PBRM1: variants seen among roughly 807,000 people sequenced by gnomAD.
The protein encoded by PBRM1 is protein polybromo-1.
In PBRM1, 27 loss-of-function variants were observed where a neutral mutation model predicts 194.5. The ratio of observed to expected loss-of-function variants is 0.14; its 90% CI spans 0.10 to 0.19. The LOEUF is 0.19. PBRM1 is among the 10% of genes least tolerant of loss of function. The pLI is 1.00. For synonymous variants in PBRM1, 655 were observed against 693.2 expected (o/e 0.94, Z 0.87); for missense variants, 1,466 against 2,077.2 (o/e 0.71, Z 5.72).
rs748488238 is a variant in PBRM1, at chr3:52,609,282, C to T, written c.2567+31G>A. On this transcript the variant is annotated intron_variant, in intron 16 of 29. Transcript: ENST00000296302. The surrounding 1 kb of genome is among the most constrained non-coding windows in gnomAD (Gnocchi z 4.1). ...CTGTTTTGTATTAAATAGCACATAT[C>T]CTCAAAATAAAAATGGCTTTGAAAA... 6.5e-7 allele frequency: 1 copy of T among 1,548,278 alleles called. No homozygotes were observed. The highest frequency in any genetic ancestry group is 1.2e-5 in the South Asian group (1 of 86,238).
upstream of PBRM1, among the ~76,000 whole-genome samples, chr3:52,682,596 A>G (rs1294923471): frequency 6.6e-6 from 1 of 152,198 alleles, no homozygotes; most frequent in Middle Eastern, 3.2e-3. Context: ...TCCATGGGAC[A>G]CATTTTAAAA....
intron 5 of PBRM1, among the ~76,000 whole-genome samples, chr3:52,654,546 G>A (rs1359488671): frequency 6.6e-6 from 1 of 152,098 alleles, no homozygotes; most frequent in Non-Finnish European, 1.5e-5. Flanking sequence ...GTCAATCCTT[G>A]TTGTCTTTCA....
At chr3:52,651,539 T>C (rs977075134) in intron 6 of PBRM1, among the ~76,000 whole-genome samples, 1 of 152,214 alleles carries the variant, frequency 6.6e-6, no homozygotes, top group Non-Finnish European at 1.5e-5. Flanking sequence ...TAATCAGAAA[T>C]GTCGGTAACC....
intron 21 of PBRM1, 91 bp downstream of exon 23, chr3:52,578,963 G>C: frequency 1.7e-6 from 2 of 1,196,656 alleles, no homozygotes; most frequent in Non-Finnish European, 2.5e-6. Flanking sequence ...CCAGGGGAAG[G>C]ACTTTTGTCT....
chr3:52,676,522 A>G (rs1308535883), intron 2 of PBRM1, among the ~76,000 whole-genome samples: 1 of 152,174 alleles, frequency 6.6e-6, no homozygotes, highest in Non-Finnish European at 1.5e-5. Flanking sequence ...AGGCCTCCCC[A>G]GCCATATGGA....
intron 10 of PBRM1, among the ~76,000 whole-genome samples, chr3:52,638,479 C>T (rs190537997): frequency 1.1e-4 from 16 of 152,150 alleles, no homozygotes; most frequent in Admixed American, 3.9e-4. Flanking sequence ...CTGCCTCAGC[C>T]TCCTGAGCAG....
In PBRM1 at chr3:52,679,567, T is replaced by C; in HGVS notation, c.138+7A>G. ...CAGGCAGAAACCATGTAATCCAAGT[T>C]ACTCACAGGATCTACAGTTGGAAGA... On this transcript the variant is annotated splice_region_variant and intron_variant, in intron 1 of 29. Transcript: ENST00000296302. The C allele has an allele frequency of 6.2e-7, 1 of 1,610,308 alleles. No individual in the cohort carries two copies. The highest frequency in any genetic ancestry group is 8.5e-7 in the Non-Finnish European group (1 of 1,178,180).
At chr3:52,577,158 C>A (rs2089859978) in intron 21 of PBRM1, among the ~76,000 whole-genome samples, 1 of 152,086 alleles carries the variant, frequency 6.6e-6, no homozygotes, top group Admixed American at 6.5e-5. Flanking sequence ...TGGCTGGGCC[C>A]AGGGGCTCAC....
intron 20 of PBRM1, among the ~76,000 whole-genome samples, chr3:52,584,384 G>T (rs2091983928): frequency 1.4e-5 from 2 of 145,032 alleles, no homozygotes; most frequent in African/African-American, 2.6e-5. Flanking sequence ...ATTTCTATTT[G>T]CTAAATTTTC....
At chr3:52,565,964 G>A (rs2085069770) in intron 22 of PBRM1, among the ~76,000 whole-genome samples, 1 of 151,816 alleles carries the variant, frequency 6.6e-6, no homozygotes, top group South Asian at 2.1e-4. Flanking sequence ...GCAGGAGAAT[G>A]GCCTGAACCC....
chr3:52,649,036 T>C (rs1210521182), intron 6 of PBRM1, among the ~76,000 whole-genome samples: 2 of 151,986 alleles, frequency 1.3e-5, no homozygotes, highest in African/African-American at 2.4e-5. Context: ...TAATGGTAAG[T>C]ACATGGAAAT....
intron 9 of PBRM1, among the ~76,000 whole-genome samples, chr3:52,642,509 G>A (rs1184875312): frequency 1.3e-5 from 2 of 151,074 alleles, no homozygotes; most frequent in East Asian, 2.0e-4. Flanking sequence ...CCAGCTATTC[G>A]GGAGGCTGAG....
At chr3:52,654,775 G>T (rs1560830573) in intron 5 of PBRM1, among the ~76,000 whole-genome samples, 1 of 152,086 alleles carries the variant, frequency 6.6e-6, no homozygotes, top group African/African-American at 2.4e-5. Context: ...ATGTGTGAAT[G>T]AGAGTTGACA....
chr3:52,667,284 T>C (rs1017237142), intron 3 of PBRM1, among the ~76,000 whole-genome samples: 1 of 152,068 alleles, frequency 6.6e-6, no homozygotes, highest in Admixed American at 6.6e-5. Context: ...AATTTAAAGA[T>C]TGATAAATTT....
At chr3:52,587,251 T>C in intron 19 of PBRM1, 102 bp downstream of exon 21, 1 of 911,184 alleles carries the variant, frequency 1.1e-6, no homozygotes, top group Non-Finnish European at 1.7e-6. Flanking sequence ...AAAAATAGCT[T>C]AAAACAGAGT....
chr3:52,637,653 C>A (rs1047582573), intron 10 of PBRM1, among the ~76,000 whole-genome samples: 1 of 150,010 alleles, frequency 6.7e-6, no homozygotes, highest in Non-Finnish European at 1.5e-5. Flanking sequence ...GAAGGCTGGG[C>A]GCAGTAGCTC....
At chr3:52,678,989 A>G (rs2097159090) in intron 1 of PBRM1, among the ~76,000 whole-genome samples, 1 of 152,144 alleles carries the variant, frequency 6.6e-6, no homozygotes, top group South Asian at 2.1e-4. Context: ...AACTCCAAAC[A>G]TTGCTTGTGT....
intron 5 of PBRM1, 137 bp from the exon 7 acceptor site, chr3:52,651,947 G>T: frequency 5.1e-6 from 3 of 582,752 alleles, no homozygotes; most frequent in Non-Finnish European, 9.1e-6. Context: ...AGACATGGCT[G>T]TACAGCACAT....
intron 27 of PBRM1, among the ~76,000 whole-genome samples, chr3:52,553,208 C>T (rs1181587900): frequency 6.6e-6 from 1 of 152,196 alleles, no homozygotes; most frequent in South Asian, 2.1e-4. Context: ...AAATGCTTTC[C>T]GAGTCTTCCA....
Sources: allele counts gnomAD v4.1 joint callset (sites outside exome capture counted in the v4.1 genomes callset), GRCh38; gene constraint gnomAD v4.1.1; non-coding constraint Gnocchi (gnomAD v3.1); transcripts MANE v1.5; gene names NCBI Gene and HGNC (gene_info 2026-07-23, HGNC 2026-07-21).